KCNC2: variants seen among roughly 807,000 people sequenced by gnomAD.
The protein encoded by KCNC2 is potassium voltage-gated channel subfamily C member 2, also known as voltage-gated potassium channel KCNC2.
In KCNC2, 21 loss-of-function variants were observed where a neutral mutation model predicts 44.5. That is an observed-to-expected ratio of 0.47 (90% CI 0.33 to 0.68). The LOEUF (loss-of-function observed/expected upper bound fraction) is 0.68. KCNC2 is among the 30% of genes least tolerant of loss of function. KCNC2 has a pLI of 0.01. For missense variants in KCNC2, 589 were observed against 826.2 expected, an observed-to-expected ratio of 0.71 and a Z score of 3.52; for synonymous variants, 391 against 339.1, an observed-to-expected ratio of 1.15 and a Z score of -1.68.
chr12:75,078,529 G>A (rs185852127), intron 2 of KCNC2, among the ~76,000 whole-genome samples: 44 of 152,220 alleles, frequency 2.9e-4, no homozygotes, highest in Middle Eastern at 6.8e-3. Context: ...AACATTTATA[G>A]GGAGGCCTTA....
At chr12:75,043,657 T>A in intron 4 of KCNC2, 1 of 1,298,924 alleles carries the variant, frequency 7.7e-7, no homozygotes, top group Non-Finnish European at 9.9e-7. Context: ...TCATTTTTTA[T>A]TTCCTAAGCC....
intron 2 of KCNC2, among the ~76,000 whole-genome samples, chr12:75,067,109 G>A (rs1414544899): frequency 6.6e-6 from 1 of 152,094 alleles, no homozygotes; most frequent in Non-Finnish European, 1.5e-5. Flanking sequence ...GGCAGAAGTG[G>A]GAGGATCTCT....
At chr12:75,141,043 C>G (rs906577954) in intron 2 of KCNC2, among the ~76,000 whole-genome samples, 1 of 152,174 alleles carries the variant, frequency 6.6e-6, no homozygotes, top group Non-Finnish European at 1.5e-5. Context: ...ATTTTCTTTG[C>G]TCTTGTCCTT....
chr12:75,160,625 C>A (rs552078843), intron 2 of KCNC2, among the ~76,000 whole-genome samples: 1 of 151,898 alleles, frequency 6.6e-6, no homozygotes, highest in Non-Finnish European at 1.5e-5. Context: ...AAAACAGGAT[C>A]CCATCTGTAA....
intron 2 of KCNC2, among the ~76,000 whole-genome samples, chr12:75,167,993 GTATAA>G (rs1402096975): frequency 6.6e-6 from 1 of 151,248 alleles, no homozygotes; most frequent in African/African-American, 2.4e-5. Context: ...TGCTTAAAAT[GTATAA>G]TATGAGATTG....
At chr12:75,148,087 TTTTCCCCATCCAC>T (rs962722961) in intron 2 of KCNC2, among the ~76,000 whole-genome samples, 2 of 152,182 alleles carry the variant, frequency 1.3e-5, no homozygotes, top group South Asian at 2.1e-4. Flanking sequence ...TACATCTCTC[TTTTCCCCATCCAC>T]TTTTCCCTAC....
At chr12:75,049,214 A>G (rs1435034573) in intron 3 of KCNC2, among the ~76,000 whole-genome samples, 2 of 152,132 alleles carry the variant, frequency 1.3e-5, no homozygotes, top group African/African-American at 2.4e-5. Flanking sequence ...CTCCAGCCAC[A>G]TTGTTTTTTC....
intron 2 of KCNC2, among the ~76,000 whole-genome samples, chr12:75,059,816 A>T (rs1882126621): frequency 6.6e-6 from 1 of 151,156 alleles, no homozygotes; most frequent in South Asian, 2.1e-4. Context: ...TTCTACCCTA[A>T]GGAATTCACA....
intron 2 of KCNC2, among the ~76,000 whole-genome samples, chr12:75,077,426 G>A (rs866485724): frequency 6.6e-6 from 1 of 152,120 alleles, no homozygotes; most frequent in Non-Finnish European, 1.5e-5. Context: ...TTCACAGGCT[G>A]TCTGTGCAAA....
intron 2 of KCNC2, among the ~76,000 whole-genome samples, chr12:75,149,521 C>T (rs1211296818): frequency 6.6e-6 from 1 of 151,816 alleles, no homozygotes; most frequent in Non-Finnish European, 1.5e-5. Flanking sequence ...TGCCAGTCCT[C>T]TAAGAAGCCA....
At chr12:75,060,764 T>A (rs1157320029) in intron 2 of KCNC2, among the ~76,000 whole-genome samples, 1 of 152,084 alleles carries the variant, frequency 6.6e-6, no homozygotes, top group African/African-American at 2.4e-5. Context: ...CACTACTGCA[T>A]CTGGACATAG....
At chr12:75,057,307 A>G (rs1881853023) in intron 2 of KCNC2, among the ~76,000 whole-genome samples, 1 of 151,950 alleles carries the variant, frequency 6.6e-6, no homozygotes, top group Non-Finnish European at 1.5e-5. Context: ...TGTTGTTCAT[A>G]GAACTTTGGT....
chr12:75,175,931 T>C (rs1471949126), intron 2 of KCNC2, among the ~76,000 whole-genome samples: 1 of 152,118 alleles, frequency 6.6e-6, no homozygotes, highest in Non-Finnish European at 1.5e-5. Flanking sequence ...ATTCAATATT[T>C]GGAACATACT....
intron 2 of KCNC2, among the ~76,000 whole-genome samples, chr12:75,123,224 A>T (rs892411917): frequency 6.6e-6 from 1 of 152,190 alleles, no homozygotes; most frequent in African/African-American, 2.4e-5. Context: ...ATTGTTTTCA[A>T]GGAAGTTTTT....
intron 2 of KCNC2, among the ~76,000 whole-genome samples, chr12:75,110,661 G>A (rs1013043229): frequency 2.0e-5 from 3 of 151,972 alleles, no homozygotes; most frequent in African/African-American, 4.8e-5. Flanking sequence ...TCCATGAAGG[G>A]GATAGCAATT....
chr12:75,079,730 C>A (rs1345272155), intron 2 of KCNC2, among the ~76,000 whole-genome samples: 1 of 152,104 alleles, frequency 6.6e-6, no homozygotes, highest in Non-Finnish European at 1.5e-5. Context: ...AAATTGCGAG[C>A]TGGAGTTTTT....
intron 2 of KCNC2, among the ~76,000 whole-genome samples, chr12:75,127,070 C>T (rs1251363668): frequency 6.6e-6 from 1 of 152,102 alleles, no homozygotes; most frequent in Non-Finnish European, 1.5e-5. Context: ...TCTAGTTTGT[C>T]TCAGTTAGTG....
At chr12:75,190,418 G>GCC (rs1226806191) in intron 2 of KCNC2, among the ~76,000 whole-genome samples, 1 of 152,130 alleles carries the variant, frequency 6.6e-6, no homozygotes, top group Non-Finnish European at 1.5e-5. Context: ...AGGAGGTGAT[G>GCC]CTAACAATCA....
At chr12:75,044,162 C>T (rs990350719) in intron 4 of KCNC2, among the ~76,000 whole-genome samples, 2 of 151,876 alleles carry the variant, frequency 1.3e-5, no homozygotes, top group Admixed American at 6.6e-5. Context: ...GACAGTTAAA[C>T]GAGGTGGAAA....
Sources: allele counts gnomAD v4.1 joint callset (sites outside exome capture counted in the v4.1 genomes callset), GRCh38; gene constraint gnomAD v4.1.1; transcripts MANE v1.5; gene names NCBI Gene and HGNC (gene_info 2026-07-23, HGNC 2026-07-21).